The following RPAIN variants were observed in gnomAD, a reference collection of about 807,000 sequenced individuals.
RPAIN encodes the protein RPA interacting protein.
RPAIN carries 29 observed loss-of-function variants against 30.5 expected under a neutral mutation model. The ratio of observed to expected loss-of-function variants is 0.95; its 90% CI spans 0.71 to 1.30. The LOEUF (loss-of-function observed/expected upper bound fraction) is 1.30, where lower values mean the gene tolerates loss of function less well. Ranked by LOEUF, RPAIN falls within the 50% of genes most tolerant of loss-of-function variation. The pLI is 0.00. For synonymous variants in RPAIN, 101 were observed against 93.5 expected, an observed-to-expected ratio of 1.08 and a Z score of -0.46; for missense variants, 247 against 264.7, an observed-to-expected ratio of 0.93 and a Z score of 0.46.
At chr17:5,421,500 A>T (rs2151658012) in intron 2 of RPAIN, 34 bp downstream of exon 2, 9 of 1,599,836 alleles carry the variant, frequency 5.6e-6, no homozygotes, top group Non-Finnish European at 7.7e-6. Context: ...AGGGAGGGGG[A>T]CTGCACCACC....
At chr17:5,431,857 A>G in intron 6 of RPAIN, 1 of 335,418 alleles carries the variant, frequency 3.0e-6, no homozygotes, top group Non-Finnish European at 5.8e-6. Flanking sequence ...TGGAAGTGGT[A>G]AGAAACAAGA....
chr17:5,428,198 T>C lies in RPAIN; in HGVS notation c.617T>C (p.Leu206Pro), dbSNP rs1447546652. ...GGAACAGAAGAAAAGTCCAGTCTTC[T>C]CATGAGCTGTCTGGTAAGCGTCTCC... ...TGGTEEKSSL[L>P]MSCLACDTWA... The change falls in exon 6 of 7, where the codon CTC becomes CCC. Residue 206 changes from leucine to proline, a missense_variant. Physicochemically the swap from Leu to Pro is moderately conservative, Grantham distance 98. Coordinates refer to ENST00000381209, the MANE Select transcript of RPAIN (RefSeq NM_001033002.4). The C allele has an allele frequency of 2.5e-6, 4 of 1,614,206 alleles. No individual in the cohort carries two copies. Among genetic ancestry groups the C allele is most frequent in the Non-Finnish European group, 3.4e-6 (4 of 1,180,036 alleles).
intron 3 of RPAIN, chr17:5,423,061 C>A (rs1160815845): frequency 9.4e-6 from 4 of 424,900 alleles, no homozygotes; most frequent in Non-Finnish European, 1.7e-5. Context: ...CTGTTTTCTC[C>A]ATGTGACTGC....
chr17:5,426,150 C>T (rs530868234), intron 4 of RPAIN, 68 bp downstream of exon 4: 3 of 1,552,460 alleles, frequency 1.9e-6, no homozygotes, highest in South Asian at 2.2e-5. Flanking sequence ...AGTGGAATCT[C>T]CCCCCAGATT....
intron 1 of RPAIN, among the ~76,000 whole-genome samples, chr17:5,420,627 T>C (rs1323118049): frequency 6.6e-6 from 1 of 151,298 alleles, no homozygotes; most frequent in Non-Finnish European, 1.5e-5. Flanking sequence ...TGATTTCTAT[T>C]CTAGAGAGTA....
chr17:5,422,937 G>A, intron 3 of RPAIN, 108 bp downstream of exon 3: 1 of 856,052 alleles, frequency 1.2e-6, no homozygotes, highest in South Asian at 1.6e-5. Flanking sequence ...ACCTCCATCA[G>A]TCAAGTGTCC....
chr17:5,426,183 G>A (rs1217055013), intron 4 of RPAIN, 53 bp from the exon 5 acceptor site: 2 of 1,592,076 alleles, frequency 1.3e-6, no homozygotes, highest in African/African-American at 1.3e-5. Context: ...TTCAAGGTTT[G>A]GAGATCCAGG....
rs1405243385 is a variant in RPAIN, at chr17:5,427,990, T to C, written c.490-81T>C. On this transcript the variant is annotated intron_variant, in intron 5 of 6. Transcript: ENST00000381209. ...GCCATCACAGTGAGCCACGGTTATA[T>C]TGGTTGGCATGAGGAATGAGGATTT... 2.9e-6 allele frequency: 4 copies of C among 1,384,070 alleles called. No individual in the cohort carries two copies. In the African/African-American group the frequency reaches 5.7e-5, roughly 20 times the overall value. 85.7% of individuals were successfully genotyped at this position (1,384,070 alleles called of 1,614,324 possible).
intron 5 of RPAIN, 168 bp from the exon 6 acceptor site, chr17:5,427,903 A>C (rs1373942372): frequency 1.0e-5 from 7 of 682,158 alleles, no homozygotes; most frequent in Non-Finnish European, 1.6e-5. Context: ...TTAAATGGAG[A>C]TGGGTTAAGA....
intron 5 of RPAIN, chr17:5,427,464 T>C (rs930436882): frequency 3.3e-5 from 5 of 152,654 alleles, no homozygotes; most frequent in African/African-American, 1.2e-4. Flanking sequence ...AAACAACTTC[T>C]ATAATACATA....
Position 5,432,416 on chromosome 17 carries a change from A to C in RPAIN, c.631-126A>C. ...TCATCATGACAAACTACACTACTGA[A>C]CTAATTGAAACTGGACTCAGGAGAC... On this transcript the variant is annotated intron_variant, in intron 6 of 6. Transcript: ENST00000381209. 3.5e-6 allele frequency: 3 copies of C among 859,838 alleles called. No individual in the cohort carries two copies. In the South Asian group the frequency reaches 4.4e-5, roughly 13 times the overall value. 53.3% of individuals were successfully genotyped at this position (859,838 alleles called of 1,614,324 possible). A position where few individuals can be genotyped will look rare whatever the true frequency, so the allele number is the denominator to read the frequency against.
chr17:5,424,331 A>T (rs1020791349), intron 3 of RPAIN, among the ~76,000 whole-genome samples: 2 of 151,946 alleles, frequency 1.3e-5, no homozygotes, highest in South Asian at 4.1e-4. Flanking sequence ...GGGTCTCACT[A>T]TGTTGCCTAG....
rs368622764 is a variant in RPAIN, at chr17:5,422,374, A to G, written c.253-395A>G. Among the ~76,000 whole-genome samples, 6 of 152,332 alleles carry G rather than the reference A, an allele frequency of 3.9e-5. No individual in the cohort carries two copies. In the South Asian group the frequency reaches 6.2e-4, roughly 16 times the overall value. On this transcript the variant is annotated intron_variant, in intron 2 of 6. Transcript: ENST00000381209. Reference sequence around the variant, plus strand: ...GTGGCTTTTGTGTGTCCTGCAGTACACCAATGTTTGCCTTATATCACCACA... The same window carrying G: ...GTGGCTTTTGTGTGTCCTGCAGTACGCCAATGTTTGCCTTATATCACCACA...
At chr17:5,427,655 T>TA (rs1915529949) in intron 5 of RPAIN, 1 of 163,656 alleles carries the variant, frequency 6.1e-6, no homozygotes, top group African/African-American at 2.4e-5. Context: ...AAATAAAACT[T>TA]ATTATTTACA....
Position 5,421,300 on chromosome 17 carries a change from G to T in RPAIN, c.86G>T (p.Cys29Phe), listed in dbSNP as rs775776625. Residue 29 changes from cysteine to phenylalanine, a missense_variant, in exon 2 of 7, where the codon TGC becomes TTC. Physicochemically the swap from Cys to Phe is radical, Grantham distance 205 (BLOSUM62 -2). Coordinates refer to ENST00000381209, the MANE Select transcript of RPAIN (RefSeq NM_001033002.4). Reference protein sequence around the residue: ...PPWKEAFRQRCLERMRNSRDR... With the variant: ...PPWKEAFRQRFLERMRNSRDR... Reference sequence around the variant, plus strand: ...AATCTTGCTCTTTTTTCCCAGAGATGCCTGGAGAGAATGAGAAACAGCCGG... The same window carrying T: ...AATCTTGCTCTTTTTTCCCAGAGATTCCTGGAGAGAATGAGAAACAGCCGG... 4 of 1,606,806 alleles carry T rather than the reference G, an allele frequency of 2.5e-6. No individual in the cohort carries two copies. The African/African-American group carries it at 4.0e-5, about 16-fold the overall frequency.
At chr17:5,431,933 A>G (rs1916002351) in intron 6 of RPAIN, 1 of 293,120 alleles carries the variant, frequency 3.4e-6, no homozygotes, top group Non-Finnish European at 6.6e-6. Flanking sequence ...TTGATCCCCT[A>G]CTGCTCAAGG....
chr17:5,421,947 G>A (rs944256985), intron 2 of RPAIN: 2 of 152,440 alleles, frequency 1.3e-5, no homozygotes, highest in Admixed American at 6.6e-5. Context: ...CACCATGCCC[G>A]GCTAATTTTG....
At chr17:5,429,165 G>T (rs971440812) in intron 6 of RPAIN, 1 of 985,456 alleles carries the variant, frequency 1.0e-6, no homozygotes, top group African/African-American at 1.7e-5. Context: ...GTACCCTGGA[G>T]AGCTGTACAA....
At chr17:5,427,046 T>C (rs1915469038) in intron 5 of RPAIN, 1 of 152,184 alleles carries the variant, frequency 6.6e-6, no homozygotes, top group Non-Finnish European at 1.5e-5. Flanking sequence ...ATTATAAAAA[T>C]AAAATGTTTT....
Sources: gnomAD v4.1 joint callset for allele counts (sites outside exome capture counted in the v4.1 genomes callset) on GRCh38, gnomAD v4.1.1 for gene constraint, MANE v1.5 for transcripts, NCBI Gene and HGNC (gene_info 2026-07-23, HGNC 2026-07-21) for gene names.